KAZN: variants seen among roughly 807,000 people sequenced by gnomAD.
KAZN encodes kazrin.
A neutral mutation model predicts 87.4 loss-of-function variants in KAZN; 40 were observed. The ratio of observed to expected loss-of-function variants is 0.46; its 90% CI spans 0.36 to 0.60. KAZN has a LOEUF of 0.60. Among genes scored for constraint, KAZN ranks in the 20% least tolerant of loss-of-function variants. The pLI is 0.00. For synonymous variants in KAZN, 466 were observed against 458.3 expected (o/e 1.02, Z -0.22); for missense variants, 898 against 1,073.9 (o/e 0.84, Z 2.29).
chr1:14,922,926 TTGG>T (rs1334373098), intron 1 of KAZN, among the ~76,000 whole-genome samples: 11 of 152,210 alleles, frequency 7.2e-5, no homozygotes, highest in African/African-American at 2.7e-4. Flanking sequence ...GCCATGATAG[TTGG>T]TGGCCAGGCC....
At chr1:14,839,139 G>A (rs187410214) in intron 1 of KAZN, among the ~76,000 whole-genome samples, 21 of 152,284 alleles carry the variant, frequency 1.4e-4, no homozygotes, top group Admixed American at 2.6e-4. Flanking sequence ...CTAACACTTA[G>A]TGTTTCCTTG....
intron 1 of KAZN, among the ~76,000 whole-genome samples, chr1:14,793,430 G>T (rs1242068291): frequency 6.6e-6 from 1 of 152,184 alleles, no homozygotes; most frequent in Non-Finnish European, 1.5e-5. Flanking sequence ...TGAGAATCTG[G>T]AGGCAGACCA....
intron 1 of KAZN, among the ~76,000 whole-genome samples, chr1:14,670,559 A>C (rs75170165): frequency 0.048 from 7,354 of 152,096 alleles, 272 homozygotes; most frequent in African/African-American, 0.093. Flanking sequence ...GATACCATGA[A>C]CTCATCCCCT....
At chr1:14,621,654 G>A (rs1678705236) in intron 1 of KAZN, among the ~76,000 whole-genome samples, 1 of 152,176 alleles carries the variant, frequency 6.6e-6, no homozygotes, top group African/African-American at 2.4e-5. Context: ...GGGGCCAGGT[G>A]GAGATAATTG....
At chr1:14,002,263 C>T (rs1317989013) in intron 1 of KAZN, among the ~76,000 whole-genome samples, 3 of 152,172 alleles carry the variant, frequency 2.0e-5, no homozygotes, top group Non-Finnish European at 4.4e-5. Context: ...CTCAACATCA[C>T]TGATTGATAT....
chr1:14,922,861 G>A (rs1658687145), intron 1 of KAZN, among the ~76,000 whole-genome samples: 2 of 152,018 alleles, frequency 1.3e-5, no homozygotes, highest in Admixed American at 1.3e-4. Context: ...CCGCAGCTGG[G>A]CCAGTTTCCA....
intron 2 of KAZN, among the ~76,000 whole-genome samples, chr1:14,578,939 G>A (rs1675359935): frequency 1.3e-5 from 2 of 152,130 alleles, no homozygotes; most frequent in African/African-American, 4.8e-5. Flanking sequence ...ACTTCTTGAA[G>A]CTGAGGACCA....
rs201481507 is a variant in KAZN at position 15,050,159 on chromosome 1, G to GATAGAATAGAATA, written c.727-5932_727-5931insATAGAATAGAATA. Among the ~76,000 whole-genome samples the GATAGAATAGAATA allele has an allele frequency of 3.4e-4, 44 of 131,328 alleles. 1 individual carries two copies. The highest frequency in any genetic ancestry group is 1.1e-3 in the East Asian group (5 of 4,702). 86.2% of individuals were successfully genotyped at this position (131,328 alleles called of 152,430 possible). ...TCTCAATAGAATAATAGAATAGAAT[G>GATAGAATAGAATA]GAATAGAATAGAATAGAATAGAATA... On this transcript the variant is annotated intron_variant, in intron 4 of 14. Coordinates refer to ENST00000376030, the MANE Select transcript of KAZN (RefSeq NM_201628.3).
At chr1:14,526,126 G>A (rs759864625) in intron 2 of KAZN, among the ~76,000 whole-genome samples, 2 of 152,156 alleles carry the variant, frequency 1.3e-5, no homozygotes, top group Non-Finnish European at 1.5e-5. Flanking sequence ...AACCTGGGAT[G>A]CCCCCACATT....
At chr1:14,386,392 C>T (rs1219580805) in intron 2 of KAZN, among the ~76,000 whole-genome samples, 7 of 151,596 alleles carry the variant, frequency 4.6e-5, no homozygotes, top group African/African-American at 1.5e-4. Flanking sequence ...TTAGTTGATG[C>T]AGTTTCTTCC....
At chr1:14,335,744 C>CGT (rs1449517008) in intron 2 of KAZN, among the ~76,000 whole-genome samples, 1 of 151,070 alleles carries the variant, frequency 6.6e-6, no homozygotes, top group African/African-American at 2.5e-5. Context: ...CGTGCATGTG[C>CGT]GCGCACACAC....
intron 1 of KAZN, among the ~76,000 whole-genome samples, chr1:14,946,584 C>T (rs1661826169): frequency 6.6e-6 from 1 of 152,106 alleles, no homozygotes; most frequent in Admixed American, 6.5e-5. Flanking sequence ...CTTTAGAAAG[C>T]ACGCGTCTGT....
Position 14,067,045 on chromosome 1 carries a change from A to G in KAZN, c.92-113390A>G, listed in dbSNP as rs143081821. On this transcript the variant is annotated intron_variant, in intron 1 of 16. Coordinates refer to the KAZN transcript ENST00000636203. ...CAAACTCAACTGCTGTGTGACTATC[A>G]TATTGCCCAGTTCTGTTTCCTCTGT... Among the ~76,000 whole-genome samples the G allele has an allele frequency of 6.3e-4, 96 of 152,050 alleles. 1 individual carries two copies. The highest frequency in any genetic ancestry group is 2.4e-3 in the Admixed American group (36 of 15,266).
intron 2 of KAZN, among the ~76,000 whole-genome samples, chr1:14,967,888 CATTTGTATTAAATTA>C (rs1664630036): frequency 6.6e-6 from 1 of 152,188 alleles, no homozygotes; most frequent in South Asian, 2.1e-4. Context: ...TAAGAACATT[CATTTGTATTAAATTA>C]ATTTGTATTA....
intron 2 of KAZN, among the ~76,000 whole-genome samples, chr1:14,232,114 G>A (rs908842114): frequency 3.3e-5 from 5 of 152,184 alleles, no homozygotes; most frequent in Non-Finnish European, 7.3e-5. Context: ...TCAGAAGGAA[G>A]AGGAAATGGG....
chr1:14,902,454 T>C (rs1656041278), intron 1 of KAZN, among the ~76,000 whole-genome samples: 1 of 152,124 alleles, frequency 6.6e-6, no homozygotes, highest in African/African-American at 2.4e-5. Context: ...GGTCTTGATC[T>C]CCTGACCTCG....
intron 1 of KAZN, among the ~76,000 whole-genome samples, chr1:14,689,533 A>C (rs1270081479): frequency 6.6e-6 from 1 of 152,244 alleles, no homozygotes; most frequent in Non-Finnish European, 1.5e-5. Context: ...AGATGGTTGC[A>C]AGATGAAGTG....
chr1:14,503,612 A>T (rs929346729), intron 2 of KAZN, among the ~76,000 whole-genome samples: 1 of 150,734 alleles, frequency 6.6e-6, no homozygotes, highest in Non-Finnish European at 1.5e-5. Flanking sequence ...GTTACAATGA[A>T]TCCTCCACCT....
chr1:13,914,333 A>G (rs569501054), intron 1 of KAZN, among the ~76,000 whole-genome samples: 9 of 152,372 alleles, frequency 5.9e-5, no homozygotes, highest in African/African-American at 2.2e-4. Context: ...AATTTCCTCA[A>G]CTGTAACATG....
Sources: gnomAD v4.1 joint callset for allele counts (sites outside exome capture counted in the v4.1 genomes callset) on GRCh38, gnomAD v4.1.1 for gene constraint, MANE v1.5 for transcripts, NCBI Gene and HGNC (gene_info 2026-07-23, HGNC 2026-07-21) for gene names.